Variants in ADAMTSL1 observed in about 807,000 individuals in gnomAD.
The protein encoded by ADAMTSL1 is ADAMTS-like protein 1.
In ADAMTSL1, 126 loss-of-function variants were observed where a neutral mutation model predicts 201.8. The observed-to-expected ratio is 0.62, with a 90% CI of 0.54 to 0.72. The LOEUF is 0.72. ADAMTSL1 is among the 30% of genes least tolerant of loss of function. ADAMTSL1 has a pLI of 0.00. For synonymous variants in ADAMTSL1, 1,121 were observed against 903.4 expected (o/e 1.24, Z -4.32); for missense variants, 2,679 against 2,277.8 (o/e 1.18, Z -3.59).
intron 2 of ADAMTSL1, among the ~76,000 whole-genome samples, chr9:18,188,710 A>C (rs1828845075): frequency 6.6e-6 from 1 of 152,204 alleles, no homozygotes; most frequent in African/African-American, 2.4e-5. Flanking sequence ...TTCATGGGTC[A>C]ACCCTCCTTG....
chr9:18,547,985 A>G (rs1587527872), intron 3 of ADAMTSL1, among the ~76,000 whole-genome samples: 1 of 152,006 alleles, frequency 6.6e-6, no homozygotes, highest in African/African-American at 2.4e-5. Context: ...AAAAAAATAT[A>G]TATATAATAC....
chr9:18,873,391 G>A (rs1047822040), intron 23 of ADAMTSL1, among the ~76,000 whole-genome samples: 3 of 152,156 alleles, frequency 2.0e-5, no homozygotes, highest in Non-Finnish European at 4.4e-5. Flanking sequence ...GTCAAGAAGG[G>A]TTTTTCCAGT....
chr9:18,869,603 C>A (rs898144809), intron 23 of ADAMTSL1, among the ~76,000 whole-genome samples: 10 of 152,170 alleles, frequency 6.6e-5, no homozygotes, highest in African/African-American at 9.7e-5. Context: ...TCCGGGTTCA[C>A]CAGTTTATGT....
chr9:18,003,440 C>A (rs1328113836), intron 1 of ADAMTSL1, among the ~76,000 whole-genome samples: 1 of 152,090 alleles, frequency 6.6e-6, no homozygotes, highest in African/African-American at 2.4e-5. Flanking sequence ...CTCTCCCGGC[C>A]AGTTCCAATG....
chr9:18,150,422 G>T (rs1343749033), intron 1 of ADAMTSL1, among the ~76,000 whole-genome samples: 1 of 152,016 alleles, frequency 6.6e-6, no homozygotes, highest in Non-Finnish European at 1.5e-5. Flanking sequence ...TATTACATTT[G>T]GTATCTAGGA....
At chr9:18,010,208 A>G (rs1017163975) in intron 1 of ADAMTSL1, among the ~76,000 whole-genome samples, 2 of 152,014 alleles carry the variant, frequency 1.3e-5, no homozygotes, top group African/African-American at 4.8e-5. Flanking sequence ...TTGTTAAGGC[A>G]GATTCTTAAA....
chr9:18,309,660 A>G (rs1231181639), intron 2 of ADAMTSL1, among the ~76,000 whole-genome samples: 1 of 152,070 alleles, frequency 6.6e-6, no homozygotes, highest in Non-Finnish European at 1.5e-5. Context: ...AGAACTAAAA[A>G]CCACTGCTCA....
chr9:18,717,667 C>T (rs571229290), intron 14 of ADAMTSL1, among the ~76,000 whole-genome samples: 1 of 152,252 alleles, frequency 6.6e-6, no homozygotes, highest in African/African-American at 2.4e-5. Flanking sequence ...ATACAGTACA[C>T]CATTTTCATA....
At chr9:18,591,876 G>A (rs1823937623) in intron 4 of ADAMTSL1, among the ~76,000 whole-genome samples, 1 of 152,178 alleles carries the variant, frequency 6.6e-6, no homozygotes, top group Admixed American at 6.5e-5. Context: ...CCTGCAAAAA[G>A]TTATCGAGAT....
At chr9:18,767,018 G>A (rs1455797582) in intron 16 of ADAMTSL1, among the ~76,000 whole-genome samples, 1 of 152,142 alleles carries the variant, frequency 6.6e-6, no homozygotes, top group Non-Finnish European at 1.5e-5. Flanking sequence ...GATGTCAGGG[G>A]AAGGGTGGTA....
At chr9:18,669,125 A>T (rs935115302) in intron 9 of ADAMTSL1, among the ~76,000 whole-genome samples, 1 of 152,254 alleles carries the variant, frequency 6.6e-6, no homozygotes, top group Non-Finnish European at 1.5e-5. Flanking sequence ...CAGCACAGCC[A>T]GCACAGAACC....
intron 2 of ADAMTSL1, among the ~76,000 whole-genome samples, chr9:18,453,035 C>T (rs1654361378): frequency 1.3e-5 from 2 of 152,222 alleles, no homozygotes; most frequent in South Asian, 2.1e-4. Flanking sequence ...CTGCCTGAGC[C>T]CCCAGGCTGT....
intron 4 of ADAMTSL1, among the ~76,000 whole-genome samples, chr9:18,588,868 C>CATATATATACATATACATAT (rs1823702740): frequency 8.8e-6 from 1 of 113,734 alleles, no homozygotes; most frequent in Non-Finnish European, 1.8e-5. Flanking sequence ...AGCTTTGTGC[C>CATATATATACATATACATAT]ATATATATAC....
chr9:18,188,871 A>G (rs1281685536), intron 2 of ADAMTSL1, among the ~76,000 whole-genome samples: 2 of 152,206 alleles, frequency 1.3e-5, no homozygotes, highest in Non-Finnish European at 2.9e-5. Flanking sequence ...GGCTGTTGGC[A>G]TCGTTTTTCA....
At chr9:18,658,193 C>G (rs999237527) in intron 8 of ADAMTSL1, among the ~76,000 whole-genome samples, 4 of 152,118 alleles carry the variant, frequency 2.6e-5, no homozygotes, top group African/African-American at 9.7e-5. Flanking sequence ...CCAGGATAGT[C>G]TCGATCTCCT....
At chr9:18,646,048 A>G (rs989946921) in intron 7 of ADAMTSL1, among the ~76,000 whole-genome samples, 6 of 151,944 alleles carry the variant, frequency 3.9e-5, no homozygotes, top group Non-Finnish European at 1.5e-5. Context: ...ATTTGTTTGT[A>G]TCCTCTTTTA....
chr9:18,054,243 A>G (rs971832934), intron 1 of ADAMTSL1, among the ~76,000 whole-genome samples: 2 of 152,240 alleles, frequency 1.3e-5, no homozygotes, highest in African/African-American at 2.4e-5. Context: ...GTAAAAGCCC[A>G]AAGAATAAAT....
At chr9:18,273,150 G>C (rs972930118) in intron 2 of ADAMTSL1, among the ~76,000 whole-genome samples, 2 of 152,126 alleles carry the variant, frequency 1.3e-5, no homozygotes, top group African/African-American at 4.8e-5. Context: ...TGTGATCTTG[G>C]CTCACTGCAA....
chr9:18,221,386 C>T (rs1317728180), intron 2 of ADAMTSL1, among the ~76,000 whole-genome samples: 1 of 152,144 alleles, frequency 6.6e-6, no homozygotes, highest in Non-Finnish European at 1.5e-5. Flanking sequence ...ACACAGTGCC[C>T]CTTCCCCACT....
Sources: gnomAD v4.1 joint callset for allele counts (sites outside exome capture counted in the v4.1 genomes callset) on GRCh38, gnomAD v4.1.1 for gene constraint, MANE v1.5 for transcripts, NCBI Gene and HGNC (gene_info 2026-07-23, HGNC 2026-07-21) for gene names.